The following ZMYM2 variants were observed in gnomAD, a reference collection of about 807,000 sequenced individuals.
ZMYM2 encodes zinc finger MYM-type protein 2.
ZMYM2 carries 56 observed loss-of-function variants against 162.8 expected under a neutral mutation model. That is an observed-to-expected ratio of 0.34 (90% confidence interval 0.28 to 0.43). The LOEUF (loss-of-function observed/expected upper bound fraction) is 0.43. ZMYM2 is among the 20% of genes least tolerant of loss of function. The pLI, the probability that ZMYM2 is intolerant of heterozygous loss-of-function variation, is 1.00. For missense variants in ZMYM2, 1,275 were observed against 1,621.8 expected (o/e 0.79, Z 3.67); for synonymous variants, 510 against 541.6 (o/e 0.94, Z 0.81).
intron 14 of ZMYM2, 147 bp from the exon 15 acceptor site, chr13:20,058,428 T>G (rs531687054): frequency 1.1e-6 from 1 of 873,978 alleles, no homozygotes; most frequent in Middle Eastern, 3.2e-4. Context: ...ATTAAGAGTA[T>G]GGTGAACATA....
At chr13:19,972,480 TTAG>T (rs1375058225) in intron 2 of ZMYM2, among the ~76,000 whole-genome samples, 6 of 152,142 alleles carry the variant, frequency 3.9e-5, no homozygotes, top group African/African-American at 1.4e-4. Context: ...TTTTTTTCAC[TTAG>T]TGGTATGTCT....
the ZMYM2 span, among the ~76,000 whole-genome samples, chr13:19,881,685 T>A: frequency 6.6e-6 from 1 of 151,082 alleles, no homozygotes; most frequent in South Asian, 2.1e-4. Flanking sequence ...AATATCCAAG[T>A]AGAAAAAAAT....
At chr13:20,020,551 G>A (rs1951995333) in intron 7 of ZMYM2, among the ~76,000 whole-genome samples, 1 of 151,968 alleles carries the variant, frequency 6.6e-6, no homozygotes, top group African/African-American at 2.4e-5. Context: ...TAGTTTTTAG[G>A]CCTTTTCCCA....
At chr13:20,001,202 G>A (rs969306323) in intron 3 of ZMYM2, among the ~76,000 whole-genome samples, 3 of 152,080 alleles carry the variant, frequency 2.0e-5, no homozygotes, top group Non-Finnish European at 4.4e-5. Flanking sequence ...GACCAGCCTG[G>A]CCAACATGGT....
intron 21 of ZMYM2, among the ~76,000 whole-genome samples, chr13:20,077,604 G>A (rs1304553172): frequency 7.1e-6 from 1 of 141,382 alleles, no homozygotes; most frequent in Non-Finnish European, 1.5e-5. Context: ...GAGTTTTGAA[G>A]TACATATAGA....
chr13:20,056,409 TAGG>T (rs1174273284), intron 14 of ZMYM2, among the ~76,000 whole-genome samples: 5 of 152,202 alleles, frequency 3.3e-5, no homozygotes, highest in African/African-American at 1.2e-4. Context: ...CATCCCAATG[TAGG>T]AGTTCTTTTC....
intron 2 of ZMYM2, among the ~76,000 whole-genome samples, chr13:19,992,813 T>C (rs1416100487): frequency 6.6e-6 from 1 of 152,122 alleles, no homozygotes; most frequent in Admixed American, 6.6e-5. Flanking sequence ...TTACCATGAA[T>C]ATATTGCATA....
intron 3 of ZMYM2, among the ~76,000 whole-genome samples, chr13:19,998,443 A>G (rs1041032963): frequency 9.2e-5 from 14 of 152,238 alleles, no homozygotes; most frequent in African/African-American, 2.6e-4. Context: ...AAAATAGAAC[A>G]CCCCGAGGAG....
the ZMYM2 span, among the ~76,000 whole-genome samples, chr13:19,917,207 C>T: frequency 6.6e-6 from 1 of 152,014 alleles, no homozygotes; most frequent in East Asian, 2.0e-4. Context: ...CGTGATCCGC[C>T]CGCCTTGGCC....
intron 2 of ZMYM2, among the ~76,000 whole-genome samples, chr13:19,987,494 A>C (rs1949254081): frequency 6.6e-6 from 1 of 151,878 alleles, no homozygotes; most frequent in African/African-American, 2.4e-5. Flanking sequence ...CAAACTCATG[A>C]CCTCGTGATC....
chr13:20,071,595 C>T (rs1391889099), intron 21 of ZMYM2, among the ~76,000 whole-genome samples: 2 of 152,202 alleles, frequency 1.3e-5, no homozygotes, highest in Admixed American at 6.5e-5. Flanking sequence ...CCCTGCTTGG[C>T]CCGTGGCCAG....
the ZMYM2 span, chr13:19,864,754 G>C: frequency 6.6e-6 from 1 of 152,316 alleles, no homozygotes; most frequent in Non-Finnish European, 1.5e-5. Context: ...GGGCGCACCC[G>C]CTGCGGCCCC....
chr13:20,047,778 C>A (rs1336064490), intron 12 of ZMYM2, among the ~76,000 whole-genome samples: 2 of 152,008 alleles, frequency 1.3e-5, no homozygotes, highest in Non-Finnish European at 2.9e-5. Context: ...TTATTAAATT[C>A]TTTCTCTTCT....
chr13:19,952,228 G>C, the ZMYM2 span, among the ~76,000 whole-genome samples: 1 of 152,052 alleles, frequency 6.6e-6, no homozygotes, highest in Admixed American at 6.6e-5. Flanking sequence ...CCAGGGGCTG[G>C]GGTGGTGGCA....
chr13:20,070,382 G>T, intron 21 of ZMYM2: 1 of 188,234 alleles, frequency 5.3e-6, no homozygotes, highest in South Asian at 1.2e-4. Context: ...TTGTATGTTT[G>T]AATTGTGGCA....
the ZMYM2 span, among the ~76,000 whole-genome samples, chr13:19,904,323 G>A: frequency 6.6e-6 from 1 of 152,066 alleles, no homozygotes; most frequent in African/African-American, 2.4e-5. Context: ...TTGGGAGGCC[G>A]AGGCGGGTGG....
chr13:20,072,841 G>A (rs574120095), intron 21 of ZMYM2, among the ~76,000 whole-genome samples: 14 of 151,692 alleles, frequency 9.2e-5, no homozygotes, highest in African/African-American at 1.2e-4. Flanking sequence ...GTTAGCCTAA[G>A]TTTGGTAATA....
the ZMYM2 span, among the ~76,000 whole-genome samples, chr13:19,945,972 AAAG>A: frequency 1.4e-5 from 2 of 147,326 alleles, no homozygotes; most frequent in South Asian, 2.1e-4. Context: ...AAAAAAAAAA[AAAG>A]AGAAGTTTTT....
At chr13:20,050,098 A>G (rs2140547818) in intron 12 of ZMYM2, among the ~76,000 whole-genome samples, 1 of 152,130 alleles carries the variant, frequency 6.6e-6, no homozygotes, top group African/African-American at 2.4e-5. Context: ...ACATAATACT[A>G]TCAGCAGTAT....
Sources: gnomAD v4.1 joint callset for allele counts (sites outside exome capture counted in the v4.1 genomes callset) on GRCh38, gnomAD v4.1.1 for gene constraint, MANE v1.5 for transcripts, NCBI Gene and HGNC (gene_info 2026-07-23, HGNC 2026-07-21) for gene names.